MACC1: variants seen among roughly 807,000 people sequenced by gnomAD.
MACC1 encodes MET transcriptional regulator MACC1.
In MACC1, 79 loss-of-function variants were observed where a neutral mutation model predicts 70.7. That is an observed-to-expected ratio of 1.12 (90% CI 0.93 to 1.35). MACC1 has a LOEUF of 1.35. Among genes scored for constraint, MACC1 ranks in the 40% most tolerant of loss-of-function variants. The pLI is 0.00. For missense variants in MACC1, 1,106 were observed against 978.1 expected (o/e 1.13, Z -1.74); for synonymous variants, 361 against 347.2 (o/e 1.04, Z -0.44).
At chr7:20,144,112 T>C (rs1007721794) in intron 6 of MACC1, among the ~76,000 whole-genome samples, 7 of 152,206 alleles carry the variant, frequency 4.6e-5, no homozygotes, top group African/African-American at 1.7e-4. Flanking sequence ...TTTTATAGCA[T>C]AAATACAATG....
chr7:20,208,993 G>A (rs1782955324), intron 1 of MACC1, among the ~76,000 whole-genome samples: 1 of 152,206 alleles, frequency 6.6e-6, no homozygotes, highest in African/African-American at 2.4e-5. Flanking sequence ...CTTACACATG[G>A]TGTTGAGCCT....
chr7:20,155,401 T>C (rs1275544105), intron 5 of MACC1, among the ~76,000 whole-genome samples: 1 of 152,146 alleles, frequency 6.6e-6, no homozygotes, highest in Non-Finnish European at 1.5e-5. Context: ...TTAACAACAA[T>C]AACTAGTAAT....
chr7:20,212,177 C>T (rs577737601), intron 1 of MACC1, among the ~76,000 whole-genome samples: 1 of 152,228 alleles, frequency 6.6e-6, no homozygotes, highest in African/African-American at 2.4e-5. Flanking sequence ...TATTTTATTT[C>T]TTAAACTGGG....
At chr7:20,152,721 C>T (rs1278093509) in intron 6 of MACC1, among the ~76,000 whole-genome samples, 1 of 152,156 alleles carries the variant, frequency 6.6e-6, no homozygotes, top group Admixed American at 6.5e-5. Flanking sequence ...GGGTGGTTTG[C>T]TGGCCTCCAT....
chr7:20,159,357 A>T lies in MACC1; in HGVS notation c.1004T>A (p.Val335Asp), dbSNP rs780360257. ...TACCTGACTCAAGTCGATTAGCTTG[A>T]CTTGGATGGTGTCTTTATAAATGTA... is the stretch of plus-strand genomic sequence containing the variant. ...NCYIYKDTIQ[V>D]KLIDLSQVMY... The change falls in exon 5 of 7, where the codon GTC (valine) becomes GAC (aspartate). Residue 335 changes from valine to aspartate, a missense_variant. Transcript: ENST00000400331. 5.4e-5 allele frequency: 87 copies of T among 1,613,942 alleles called. No individual in the cohort carries two copies. The highest frequency in any genetic ancestry group is 1.3e-4 in the Admixed American group (8 of 59,968).
At chr7:20,185,749 C>T (rs1782577554) in intron 1 of MACC1, among the ~76,000 whole-genome samples, 2 of 152,206 alleles carry the variant, frequency 1.3e-5, no homozygotes, top group African/African-American at 2.4e-5. Context: ...CTAGCAATTA[C>T]TGGTCATGCT....
At chr7:20,184,835 A>G (rs1430667231) in intron 1 of MACC1, among the ~76,000 whole-genome samples, 1 of 152,208 alleles carries the variant, frequency 6.6e-6, no homozygotes, top group Non-Finnish European at 1.5e-5. Flanking sequence ...AAGTTTATTC[A>G]AAAGGAAACT....
chr7:20,196,402 A>C (rs549493299), intron 1 of MACC1, among the ~76,000 whole-genome samples: 4 of 152,042 alleles, frequency 2.6e-5, no homozygotes, highest in South Asian at 4.2e-4. Flanking sequence ...GGATGGTCTC[A>C]ATCTCCTGAC....
chr7:20,195,435 G>A (rs1782736158), intron 1 of MACC1, among the ~76,000 whole-genome samples: 1 of 152,212 alleles, frequency 6.6e-6, no homozygotes, highest in East Asian at 1.9e-4. Flanking sequence ...AGGAATTTAA[G>A]TTGAATAAAT....
intron 1 of MACC1, among the ~76,000 whole-genome samples, chr7:20,201,083 TGG>T (rs1782826933): frequency 6.6e-6 from 1 of 152,128 alleles, no homozygotes; most frequent in East Asian, 1.9e-4. Context: ...TCATCTGAAT[TGG>T]TGAATCAAAT....
At chr7:20,204,902 A>G (rs572727520) in intron 1 of MACC1, among the ~76,000 whole-genome samples, 1 of 152,310 alleles carries the variant, frequency 6.6e-6, no homozygotes, top group African/African-American at 2.4e-5. Flanking sequence ...CAGTGAGCAG[A>G]GATTGTACAT....
At chr7:20,149,976 C>T (rs979979261) in intron 6 of MACC1, among the ~76,000 whole-genome samples, 1 of 152,064 alleles carries the variant, frequency 6.6e-6, no homozygotes, top group African/African-American at 2.4e-5. Context: ...ATACATTCAC[C>T]TTCAGTTTGT....
At position 20,134,754 on chromosome 7, in the gene MACC1, T is replaced by C. The variant is rs901414071; in HGVS notation, c.*6192A>G. 5 of 152,194 alleles carry C rather than the reference T, an allele frequency of 3.3e-5. No individual in the cohort carries two copies. The highest frequency in any genetic ancestry group is 6.5e-5 in the Admixed American group (1 of 15,276). 9.4% of individuals were successfully genotyped at this position (152,194 alleles called of 1,614,324 possible). On this transcript the variant is annotated 3_prime_UTR_variant, in exon 7 of 7. Coordinates refer to ENST00000400331, the MANE Select transcript of MACC1 (RefSeq NM_182762.4). The stretch of plus-strand genomic sequence containing the variant: ...AGTGAGCATATAAACATTAGGGACA[T>C]TTAAAATCTACTTCCAGTCACAAAA...
intron 2 of MACC1, among the ~76,000 whole-genome samples, chr7:20,167,485 T>G (rs1782238060): frequency 6.6e-6 from 1 of 151,914 alleles, no homozygotes; most frequent in Admixed American, 6.6e-5. Flanking sequence ...CATGAGCCAC[T>G]ATGCCTGGCC....
intron 1 of MACC1, among the ~76,000 whole-genome samples, chr7:20,192,214 A>G (rs1162983196): frequency 6.6e-6 from 1 of 152,152 alleles, no homozygotes; most frequent in Non-Finnish European, 1.5e-5. Flanking sequence ...TCAAATTCCA[A>G]TATAGGGTAT....
At chr7:20,169,264 C>T (rs144598680) in intron 2 of MACC1, among the ~76,000 whole-genome samples, 209 of 152,314 alleles carry the variant, frequency 1.4e-3, no homozygotes, top group African/African-American at 4.9e-3. Context: ...AAATTAGCTA[C>T]AAATCTTGTC....
At chr7:20,199,338 G>A (rs1267040713) in intron 1 of MACC1, among the ~76,000 whole-genome samples, 1 of 152,214 alleles carries the variant, frequency 6.6e-6, no homozygotes, top group Non-Finnish European at 1.5e-5. Context: ...TCATACTCAT[G>A]GAAAAAGTAA....
At chr7:20,197,492 G>A (rs564289448) in intron 1 of MACC1, among the ~76,000 whole-genome samples, 36 of 152,156 alleles carry the variant, frequency 2.4e-4, no homozygotes, top group Non-Finnish European at 3.8e-4. Flanking sequence ...TTTCTTTCTC[G>A]AGCATTTTTA....
rs1255832396 is a variant in MACC1, at chr7:20,158,226, T to G, written c.2135A>C (p.Lys712Thr). 6.3e-7 allele frequency: 1 copy of G among 1,584,452 alleles called. No homozygotes were observed. Among genetic ancestry groups the G allele is most frequent in the Admixed American group, 1.9e-5 (1 of 53,430 alleles). ...EDCHTERNTR[K>T]FLYELIVALL... is the part of the protein sequence containing the mutation. ...CACCACAATAAGTTCATACAGAAAC[T>G]TCCTTGTATTTCTCTCTGTGTGGCA... Residue 712 changes from lysine to threonine, a missense_variant, in exon 5 of 7, where the codon AAG becomes ACG. Coordinates refer to ENST00000400331, the MANE Select transcript of MACC1 (RefSeq NM_182762.4).
Sources: gnomAD v4.1 joint callset for allele counts (sites outside exome capture counted in the v4.1 genomes callset) on GRCh38, gnomAD v4.1.1 for gene constraint, MANE v1.5 for transcripts, NCBI Gene and HGNC (gene_info 2026-07-23, HGNC 2026-07-21) for gene names.